The following TMEM74 variants were observed in gnomAD, a reference collection of about 807,000 sequenced individuals.
TMEM74 encodes the protein transmembrane protein 74.
Under a neutral mutation model 18.1 loss-of-function variants are expected in TMEM74, and 13 were observed. The observed-to-expected ratio is 0.72, with a 90% CI of 0.47 to 1.14. The LOEUF (loss-of-function observed/expected upper bound fraction) is 1.14. Ranked by LOEUF, TMEM74 falls within the 50% of genes most tolerant of loss-of-function variation. The pLI is 0.00. For missense variants in TMEM74, 372 were observed against 375.9 expected (o/e 0.99, Z 0.09); for synonymous variants, 159 against 146.6 (o/e 1.08, Z -0.61).
At chr8:108,613,765 A>G (rs754691644) in intron 2 of TMEM74, among the ~76,000 whole-genome samples, 3 of 152,192 alleles carry the variant, frequency 2.0e-5, no homozygotes, top group Non-Finnish European at 4.4e-5. Context: ...TTGGCTAGAC[A>G]CATTCCCCAG....
intron 2 of TMEM74, among the ~76,000 whole-genome samples, chr8:108,640,027 A>G (rs1407998629): frequency 4.0e-5 from 6 of 151,386 alleles, no homozygotes; most frequent in African/African-American, 1.2e-4. Flanking sequence ...GTTAGCCTAG[A>G]TACTTCTTCT....
chr8:108,770,442 T>A (rs1814159189), intron 1 of TMEM74, among the ~76,000 whole-genome samples: 1 of 152,172 alleles, frequency 6.6e-6, no homozygotes, highest in African/African-American at 2.4e-5. Context: ...ATGTATATAA[T>A]GACACAAAAC....
At chr8:108,727,664 G>T (rs1367444063) in intron 1 of TMEM74, among the ~76,000 whole-genome samples, 1 of 152,138 alleles carries the variant, frequency 6.6e-6, no homozygotes, top group Non-Finnish European at 1.5e-5. Context: ...GCTCAGGAGG[G>T]AGGTCTGAAC....
intron 1 of TMEM74, among the ~76,000 whole-genome samples, chr8:108,759,166 G>A (rs568994475): frequency 1.5e-4 from 23 of 152,122 alleles, no homozygotes; most frequent in Admixed American, 3.9e-4. Flanking sequence ...GTATGAGATC[G>A]AAGAGGGGTA....
intron 1 of TMEM74, among the ~76,000 whole-genome samples, chr8:108,699,145 T>TTCCTTCCTTCCTTCCTTCCTTCC (rs1813309831): frequency 1.5e-5 from 1 of 68,776 alleles, no homozygotes; most frequent in Non-Finnish European, 2.7e-5. Flanking sequence ...CCCTCCCTCT[T>TTCCTTCCTTCCTTCCTTCCTTCC]TTCCTTCCTT....
At chr8:108,755,622 A>G (rs1415945077) in intron 1 of TMEM74, among the ~76,000 whole-genome samples, 3 of 152,076 alleles carry the variant, frequency 2.0e-5, no homozygotes. Flanking sequence ...ATCCAAATCA[A>G]TCTCACCTTT....
At chr8:108,632,598 C>T (rs1329197851) in intron 2 of TMEM74, among the ~76,000 whole-genome samples, 1 of 151,928 alleles carries the variant, frequency 6.6e-6, no homozygotes, top group African/African-American at 2.4e-5. Flanking sequence ...GTGAAAGTCA[C>T]ATGAAGTAGA....
chr8:108,744,497 G>T (rs1403493017), intron 1 of TMEM74, among the ~76,000 whole-genome samples: 2 of 152,142 alleles, frequency 1.3e-5, no homozygotes, highest in African/African-American at 4.8e-5. Flanking sequence ...ATGAAGAAGG[G>T]CAGGTAGGGT....
chr8:108,706,786 T>TGTGTGTGTGG (rs1813417364), intron 1 of TMEM74, among the ~76,000 whole-genome samples: 1 of 141,560 alleles, frequency 7.1e-6, no homozygotes, highest in Admixed American at 6.8e-5. Flanking sequence ...GGTGTGTGTG[T>TGTGTGTGTGG]GTGTGTGTGT....
At chr8:108,683,782 T>A (rs1813139326) in intron 1 of TMEM74, among the ~76,000 whole-genome samples, 2 of 152,148 alleles carry the variant, frequency 1.3e-5, no homozygotes, top group Middle Eastern at 6.8e-3. Context: ...GTCTCTGGTA[T>A]CCTCTATTCT....
chr8:108,756,692 GAA>G (rs1296782741), intron 1 of TMEM74, among the ~76,000 whole-genome samples: 1 of 103,926 alleles, frequency 9.6e-6, no homozygotes, highest in Non-Finnish European at 1.8e-5. Flanking sequence ...AAGAAAGAAA[GAA>G]AGAAGGAAGG....
intron 2 of TMEM74, among the ~76,000 whole-genome samples, chr8:108,613,404 T>G (rs950930558): frequency 1.3e-5 from 2 of 152,202 alleles, no homozygotes; most frequent in Non-Finnish European, 2.9e-5. Flanking sequence ...GGCATGCTCT[T>G]AGAAGATCAG....
At chr8:108,668,915 G>A (rs949308784) in intron 1 of TMEM74, among the ~76,000 whole-genome samples, 1 of 151,828 alleles carries the variant, frequency 6.6e-6, no homozygotes, top group African/African-American at 2.4e-5. Context: ...TCAGATAATC[G>A]GTCAGTAGTC....
chr8:108,776,685 T>G (rs1814236580), downstream of TMEM74, among the ~76,000 whole-genome samples: 1 of 152,024 alleles, frequency 6.6e-6, no homozygotes, highest in Non-Finnish European at 1.5e-5. Flanking sequence ...AGGGATGTAT[T>G]TATGATGGTG....
chr8:108,784,719 G>A lies in TMEM74; in HGVS notation c.380C>T (p.Ser127Leu), dbSNP rs775737491. 1.2e-5 allele frequency: 19 copies of A among 1,614,018 alleles called. No individual in the cohort carries two copies. Among genetic ancestry groups the A allele is most frequent in the South Asian group, 5.5e-5 (5 of 91,088 alleles). ...NINLEQRNRS[S>L]PSAKGHNHPG... Reference sequence around the variant, plus strand: ...GTGATTATGCCCTTTTGCTGATGGCGAGCTCCGGTTCCGCTGCTCCAAGTT... The same window carrying A: ...GTGATTATGCCCTTTTGCTGATGGCAAGCTCCGGTTCCGCTGCTCCAAGTT... The change falls in exon 2 of 2, where the codon TCG becomes TTG. Residue 127 changes from serine to leucine, a missense_variant. Coordinates refer to ENST00000297459, the MANE Select transcript of TMEM74 (RefSeq NM_153015.3).
chr8:108,708,389 G>C (rs1813439191), intron 1 of TMEM74, among the ~76,000 whole-genome samples: 1 of 151,886 alleles, frequency 6.6e-6, no homozygotes, highest in African/African-American at 2.4e-5. Flanking sequence ...ATAGTCCTTT[G>C]GGTATATATC....
intron 2 of TMEM74, among the ~76,000 whole-genome samples, chr8:108,641,992 T>C (rs1812669622): frequency 6.6e-6 from 1 of 152,164 alleles, no homozygotes; most frequent in Non-Finnish European, 1.5e-5. Flanking sequence ...GAAGGATCAG[T>C]AAGTGTTAGT....
intron 1 of TMEM74, among the ~76,000 whole-genome samples, chr8:108,746,913 T>C (rs76433736): frequency 0.018 from 2,717 of 152,236 alleles, 91 homozygotes; most frequent in African/African-American, 0.062. Flanking sequence ...CCTCATGCCT[T>C]GCCCTATACC....
intron 1 of TMEM74, among the ~76,000 whole-genome samples, chr8:108,701,969 G>T (rs1341078703): frequency 6.6e-6 from 1 of 152,088 alleles, no homozygotes; most frequent in Non-Finnish European, 1.5e-5. Flanking sequence ...AGAAGACAAA[G>T]TTGGGCAGTT....
Sources: allele counts gnomAD v4.1 joint callset (sites outside exome capture counted in the v4.1 genomes callset), GRCh38; gene constraint gnomAD v4.1.1; transcripts MANE v1.5; gene names NCBI Gene and HGNC (gene_info 2026-07-23, HGNC 2026-07-21).